Variants in PPARGC1A observed in about 807,000 individuals in gnomAD.
The protein encoded by PPARGC1A is PPARG coactivator 1 alpha, also known as peroxisome proliferator-activated receptor gamma coactivator 1-alpha.
A neutral mutation model predicts 88.7 loss-of-function variants in PPARGC1A; 25 were observed. That is an observed-to-expected ratio of 0.28 (90% CI 0.21 to 0.39). PPARGC1A has a LOEUF of 0.39. Among genes scored for constraint, PPARGC1A ranks in the 10% least tolerant of loss-of-function variants. The probability of loss-of-function intolerance (pLI) is 1.00; values close to 1 mark genes in which losing one functional copy is unlikely to be tolerated. For missense variants in PPARGC1A, 880 were observed against 968.7 expected (o/e 0.91, Z 1.22); for synonymous variants, 363 against 355.6 (o/e 1.02, Z -0.24).
chr4:24,041,929 AAAAG>A, the PPARGC1A span, among the ~76,000 whole-genome samples: 1 of 151,994 alleles, frequency 6.6e-6, no homozygotes. Flanking sequence ...AAAAAGAAAG[AAAAG>A]AAAGAAATCT....
chr4:23,810,556 TTCTTTATTAATATCTGGCACTTAATCA>T (rs1465364153), intron 10 of PPARGC1A, among the ~76,000 whole-genome samples: 1 of 152,178 alleles, frequency 6.6e-6, no homozygotes, highest in Non-Finnish European at 1.5e-5. Flanking sequence ...CTCCCTTCCT[TTCTTTATTAATATCTGGCACTTAATCA>T]TCTTTAGAAG....
At chr4:24,326,422 A>G in the PPARGC1A span, among the ~76,000 whole-genome samples, 3 of 151,108 alleles carry the variant, frequency 2.0e-5, no homozygotes, top group Non-Finnish European at 4.4e-5. Flanking sequence ...TATCCTCAAT[A>G]CCTCCCTCCA....
Position 23,813,785 on chromosome 4 carries a change from G to A in PPARGC1A, c.1698C>T (p.Arg566=). Residue 566 remains arginine, a synonymous_variant, in exon 8 of 13, where the codon CGC becomes CGT. Transcript: ENST00000264867. The part of the protein sequence containing the change: ...SLFSQRPQRM[R]SRSRSFSRHR... The stretch of plus-strand genomic sequence containing the variant: ...GTCGAGAAAAGGACCTTGAACGAGA[G>A]CGCATCCTTTGGGGTCTTTGAGAAA... 1.2e-6 allele frequency: 2 copies of A among 1,613,338 alleles called. No homozygotes were observed. The highest frequency in any genetic ancestry group is 8.5e-7 in the Non-Finnish European group (1 of 1,179,298).
At chr4:23,810,279 C>T (rs1720650676) in intron 10 of PPARGC1A, among the ~76,000 whole-genome samples, 1 of 152,128 alleles carries the variant, frequency 6.6e-6, no homozygotes, top group South Asian at 2.1e-4. Context: ...CCAAAATTCT[C>T]ACAAATGTCT....
chr4:24,002,420 C>A, the PPARGC1A span, among the ~76,000 whole-genome samples: 1 of 152,066 alleles, frequency 6.6e-6, no homozygotes. Flanking sequence ...GCCACTGCAC[C>A]CAGCCACACC....
the PPARGC1A span, among the ~76,000 whole-genome samples, chr4:24,422,345 G>A: frequency 2.6e-5 from 4 of 152,120 alleles, no homozygotes; most frequent in South Asian, 2.1e-4. Flanking sequence ...AAGCTAGAAC[G>A]TTGAAAGTCC....
At chr4:24,311,927 A>G in the PPARGC1A span, among the ~76,000 whole-genome samples, 1 of 152,202 alleles carries the variant, frequency 6.6e-6, no homozygotes, top group Non-Finnish European at 1.5e-5. Flanking sequence ...TTGGGAAGCC[A>G]TGAAGAAGAG....
chr4:24,219,390 C>G, the PPARGC1A span, among the ~76,000 whole-genome samples: 1 of 152,168 alleles, frequency 6.6e-6, no homozygotes, highest in African/African-American at 2.4e-5. Flanking sequence ...CGGGCCGAAT[C>G]TTACAAACAG....
chr4:24,225,539 A>AG, the PPARGC1A span, among the ~76,000 whole-genome samples: 2 of 129,904 alleles, frequency 1.5e-5, no homozygotes, highest in South Asian at 5.4e-4. Context: ...CAAAAAAAAA[A>AG]CACACACACA....
chr4:23,953,760 T>C, the PPARGC1A span, among the ~76,000 whole-genome samples: 3 of 152,032 alleles, frequency 2.0e-5, no homozygotes, highest in Non-Finnish European at 4.4e-5. Flanking sequence ...TTATAATCGA[T>C]TCAAGTCGTC....
chr4:24,268,610 T>G, the PPARGC1A span, among the ~76,000 whole-genome samples: 1 of 152,200 alleles, frequency 6.6e-6, no homozygotes, highest in Admixed American at 6.5e-5. Flanking sequence ...AGAACAATCT[T>G]TGGTTTTACA....
the PPARGC1A span, among the ~76,000 whole-genome samples, chr4:24,255,056 T>C: frequency 6.6e-6 from 1 of 152,220 alleles, no homozygotes; most frequent in African/African-American, 2.4e-5. Flanking sequence ...TGTCTGCAAA[T>C]TCACATCATT....
the PPARGC1A span, among the ~76,000 whole-genome samples, chr4:24,018,340 T>TCACCA: frequency 0.025 from 3,880 of 152,310 alleles, 59 homozygotes; most frequent in Middle Eastern, 0.041. Context: ...GTTTAAAATG[T>TCACCA]CACCAGTTAC....
the PPARGC1A span, among the ~76,000 whole-genome samples, chr4:24,130,315 G>C: frequency 6.6e-6 from 1 of 152,116 alleles, no homozygotes; most frequent in Non-Finnish European, 1.5e-5. Flanking sequence ...AAGAGGTTAA[G>C]CTGCCTGCCC....
At chr4:23,834,846 T>C (rs903853807) in intron 2 of PPARGC1A, among the ~76,000 whole-genome samples, 1 of 152,180 alleles carries the variant, frequency 6.6e-6, no homozygotes, top group Non-Finnish European at 1.5e-5. Context: ...TATTTAACTG[T>C]TCTGAATACA....
At chr4:24,448,853 G>A in the PPARGC1A span, among the ~76,000 whole-genome samples, 2 of 152,146 alleles carry the variant, frequency 1.3e-5, no homozygotes, top group African/African-American at 4.8e-5. Context: ...GATAAATCAA[G>A]CTTGCAGCAC....
chr4:24,117,242 G>A, the PPARGC1A span, among the ~76,000 whole-genome samples: 1 of 152,102 alleles, frequency 6.6e-6, no homozygotes, highest in Admixed American at 6.6e-5. Flanking sequence ...TCAGCTTCAT[G>A]ACCTTGAGAT....
the PPARGC1A span, among the ~76,000 whole-genome samples, chr4:23,944,663 A>G: frequency 1.3e-5 from 2 of 152,192 alleles, no homozygotes; most frequent in African/African-American, 4.8e-5. Context: ...AGGTAACTGA[A>G]TCAGAAGGGC....
the PPARGC1A span, among the ~76,000 whole-genome samples, chr4:24,353,188 CAA>C: frequency 1.5e-5 from 2 of 137,364 alleles, no homozygotes. Context: ...TTTAAATAAT[CAA>C]TCTTTTTTTT....
Sources: allele counts gnomAD v4.1 joint callset (sites outside exome capture counted in the v4.1 genomes callset), GRCh38; gene constraint gnomAD v4.1.1; transcripts MANE v1.5; gene names NCBI Gene and HGNC (gene_info 2026-07-23, HGNC 2026-07-21).